Variants in ANKRD44 observed in about 807,000 individuals in gnomAD.
ANKRD44 encodes serine/threonine-protein phosphatase 6 regulatory ankyrin repeat subunit B.
ANKRD44 carries 35 observed loss-of-function variants against 116.0 expected under a neutral mutation model. The ratio of observed to expected loss-of-function variants is 0.30; its 90% CI spans 0.23 to 0.40. ANKRD44 has a LOEUF of 0.40. Among genes scored for constraint, ANKRD44 ranks in the 10% least tolerant of loss-of-function variants. ANKRD44 has a pLI of 1.00. For missense variants in ANKRD44, 1,014 were observed against 1,242.6 expected (o/e 0.82, Z 2.77); for synonymous variants, 435 against 461.8 (o/e 0.94, Z 0.74).
At chr2:197,300,350 G>T (rs1194503671) in intron 1 of ANKRD44, among the ~76,000 whole-genome samples, 1 of 152,084 alleles carries the variant, frequency 6.6e-6, no homozygotes, top group Non-Finnish European at 1.5e-5. Context: ...CACTCACCTG[G>T]GTTCTACCCA....
At chr2:196,981,619 T>C (rs1474589457) in intron 21 of ANKRD44, among the ~76,000 whole-genome samples, 3 of 151,896 alleles carry the variant, frequency 2.0e-5, no homozygotes, top group Non-Finnish European at 4.4e-5. Flanking sequence ...CTACTAAAAA[T>C]TTTTTTAAAA....
chr2:197,288,736 T>C (rs1255427639), intron 1 of ANKRD44, among the ~76,000 whole-genome samples: 1 of 152,164 alleles, frequency 6.6e-6, no homozygotes, highest in Non-Finnish European at 1.5e-5. Context: ...AATGAAATCA[T>C]GTCACTTGCA....
intron 1 of ANKRD44, among the ~76,000 whole-genome samples, chr2:197,193,387 T>C (rs769477141): frequency 2.6e-5 from 4 of 152,182 alleles, no homozygotes; most frequent in Non-Finnish European, 5.9e-5. Context: ...AATAACAGTA[T>C]CAGTTAAATT....
chr2:197,141,198 C>G (rs1172587713), intron 3 of ANKRD44, among the ~76,000 whole-genome samples: 1 of 152,158 alleles, frequency 6.6e-6, no homozygotes, highest in Non-Finnish European at 1.5e-5. Flanking sequence ...GCCTGGGCGA[C>G]AGAGCAAGAC....
chr2:197,068,379 G>GAAAAAAAAAAAAAAAAAAAAAAAAAAA (rs1196504516), intron 16 of ANKRD44, among the ~76,000 whole-genome samples: 1 of 50,884 alleles, frequency 2.0e-5, no homozygotes, highest in Non-Finnish European at 6.3e-5. Flanking sequence ...ATAAAAAAAA[G>GAAAAAAAAAAAAAAAAAAAAAAAAAAA]AAAAAAATAA....
intron 5 of ANKRD44, 55 bp downstream of exon 5, chr2:197,125,782 T>C (rs1305674290): frequency 7.7e-6 from 12 of 1,555,652 alleles, no homozygotes; most frequent in South Asian, 1.1e-5. Flanking sequence ...AGTTTCCACT[T>C]GTGGCTGAAA....
intron 2 of ANKRD44, among the ~76,000 whole-genome samples, chr2:197,153,211 G>C (rs1366461711): frequency 9.9e-6 from 1 of 100,688 alleles, no homozygotes; most frequent in African/African-American, 3.8e-5. Context: ...CTGGGTGACA[G>C]AGCAAGACCC....
downstream of ANKRD44, among the ~76,000 whole-genome samples, chr2:196,983,238 C>A (rs1458969452): frequency 2.0e-5 from 3 of 152,026 alleles, no homozygotes; most frequent in Non-Finnish European, 4.4e-5. Flanking sequence ...AATCAGACCA[C>A]AGCCATTTTT....
At chr2:197,059,001 A>G (rs2125044678) in intron 16 of ANKRD44, among the ~76,000 whole-genome samples, 1 of 145,558 alleles carries the variant, frequency 6.9e-6, no homozygotes, top group Non-Finnish European at 1.5e-5. Flanking sequence ...CTTAAATTTA[A>G]GAGTTACCTC....
intron 1 of ANKRD44, among the ~76,000 whole-genome samples, chr2:197,226,964 T>G (rs2081732515): frequency 6.6e-6 from 1 of 152,168 alleles, no homozygotes. Context: ...CCCAGAGACC[T>G]GCTATCTAAC....
At chr2:197,079,133 GA>G (rs2077737992) in intron 15 of ANKRD44, among the ~76,000 whole-genome samples, 1 of 152,036 alleles carries the variant, frequency 6.6e-6, no homozygotes, top group Non-Finnish European at 1.5e-5. Context: ...CAAGATTACT[GA>G]ATAGCAAGTT....
intron 16 of ANKRD44, among the ~76,000 whole-genome samples, chr2:197,062,370 G>GTTGA (rs1027583315): frequency 4.6e-5 from 7 of 152,192 alleles, no homozygotes; most frequent in Non-Finnish European, 1.0e-4. Flanking sequence ...GATACATGAG[G>GTTGA]TTATCAGAGC....
At chr2:196,974,955 A>G (rs1000600381) in intron 21 of ANKRD44, among the ~76,000 whole-genome samples, 1 of 152,116 alleles carries the variant, frequency 6.6e-6, no homozygotes, top group African/African-American at 2.4e-5. Flanking sequence ...AAATAAAATA[A>G]TAAAGATTAA....
At chr2:197,262,557 G>A (rs1221926162) in intron 1 of ANKRD44, among the ~76,000 whole-genome samples, 3 of 152,172 alleles carry the variant, frequency 2.0e-5, no homozygotes, top group Non-Finnish European at 4.4e-5. Flanking sequence ...CTACCAAAAT[G>A]AGTGCATTCT....
intron 12 of ANKRD44, among the ~76,000 whole-genome samples, chr2:197,087,028 A>G (rs1363743732): frequency 1.3e-5 from 2 of 152,144 alleles, no homozygotes; most frequent in African/African-American, 4.8e-5. Context: ...ACATGATTAA[A>G]CCCTCCAGTG....
intron 1 of ANKRD44, among the ~76,000 whole-genome samples, chr2:197,196,037 C>T (rs2080940350): frequency 6.6e-6 from 1 of 152,168 alleles, no homozygotes; most frequent in African/African-American, 2.4e-5. Flanking sequence ...ACATTTAAAT[C>T]CATGTAATTT....
intron 14 of ANKRD44, among the ~76,000 whole-genome samples, chr2:197,082,326 C>T (rs1333481997): frequency 2.6e-5 from 4 of 152,108 alleles, no homozygotes; most frequent in Admixed American, 2.0e-4. Context: ...CAGAATGCTA[C>T]ATCTGATATT....
chr2:197,107,038 T>C (rs756225753), intron 9 of ANKRD44, among the ~76,000 whole-genome samples: 3 of 152,168 alleles, frequency 2.0e-5, no homozygotes, highest in African/African-American at 7.2e-5. Flanking sequence ...AAGTTAAATA[T>C]TGGAGATTGA....
At chr2:197,126,604 C>T (rs1397965055) in intron 4 of ANKRD44, among the ~76,000 whole-genome samples, 1 of 152,134 alleles carries the variant, frequency 6.6e-6, no homozygotes, top group Non-Finnish European at 1.5e-5. Context: ...GGGCCTCCCA[C>T]ATTTTTTCTT....
Sources: gnomAD v4.1 joint callset for allele counts (sites outside exome capture counted in the v4.1 genomes callset) on GRCh38, gnomAD v4.1.1 for gene constraint, MANE v1.5 for transcripts, NCBI Gene and HGNC (gene_info 2026-07-23, HGNC 2026-07-21) for gene names.